Variants in CEP120 observed in about 807,000 individuals in gnomAD.
The protein encoded by CEP120 is centrosomal protein of 120 kDa.
CEP120 carries 113 observed loss-of-function variants against 126.5 expected under a neutral mutation model. The observed-to-expected ratio is 0.89, with a 90% CI of 0.77 to 1.04. CEP120 has a LOEUF of 1.04. Among genes scored for constraint, CEP120 ranks in the 50% least tolerant of loss-of-function variants. The pLI, the probability that CEP120 is intolerant of heterozygous loss-of-function variation, is 0.00. For missense variants in CEP120, 1,230 were observed against 1,155.7 expected (o/e 1.06, Z -0.93); for synonymous variants, 400 against 394.3 (o/e 1.01, Z -0.17).
chr5:123,356,596 C>G (rs1240377041), intron 18 of CEP120, among the ~76,000 whole-genome samples: 3 of 141,866 alleles, frequency 2.1e-5, no homozygotes, highest in Non-Finnish European at 4.7e-5. Flanking sequence ...CTTCTTCTCT[C>G]TCCTTTTAAT....
chr5:123,389,480 T>G (rs1036471627), intron 8 of CEP120, among the ~76,000 whole-genome samples: 3 of 152,128 alleles, frequency 2.0e-5, no homozygotes, highest in African/African-American at 7.2e-5. Flanking sequence ...ATTGAAATTT[T>G]TTATATTTCC....
At position 123,377,406 on chromosome 5, in the gene CEP120, G is replaced by A. The variant is rs1408055072; in HGVS notation, c.2326C>T (p.Leu776Phe). 2 of 1,610,938 alleles carry A rather than the reference G, an allele frequency of 1.2e-6. No individual in the cohort carries two copies. Among genetic ancestry groups the A allele is most frequent in the Admixed American group, 1.7e-5 (1 of 59,050 alleles). Reference protein sequence around the residue: ...VELERLKIKQLEEDKHRLQQQ... With the variant: ...VELERLKIKQFEEDKHRLQQQ... ...TGAAGGCGGTGTTTATCCTCTTCGA[G>A]CTGTTTGATTTTTAACCTTTCTAGT... Residue 776 changes from leucine to phenylalanine, a missense_variant, in exon 16 of 20, where the codon CTC (leucine) becomes TTC (phenylalanine). Transcript: ENST00000306467.
chr5:123,370,681 G>GTA (rs1198252769), intron 17 of CEP120, among the ~76,000 whole-genome samples: 1 of 95,386 alleles, frequency 1.0e-5, no homozygotes, highest in Non-Finnish European at 2.3e-5. Flanking sequence ...ATGTGTGTGT[G>GTA]TGTGTATATA....
Position 123,372,738 on chromosome 5 carries a change from T to C in CEP120, c.2393A>G (p.Glu798Gly). The C allele has an allele frequency of 6.2e-7, 1 of 1,607,066 alleles. No homozygotes were observed. Among genetic ancestry groups the C allele is most frequent in the East Asian group, 2.2e-5 (1 of 44,600 alleles). ...NDAENKYKIL[E>G]KEFQQFKDQQ... ...GTCCTTGAACTGTTGGAACTCTTTT[T>C]CCAAAATCTTATACTTATTTTCAGC... Residue 798 changes from glutamate (E) to glycine (G), a missense_variant, in exon 17 of 20, where the codon GAA becomes GGA. Coordinates refer to ENST00000306467, the MANE Select transcript of CEP120 (RefSeq NM_001375405.1).
At chr5:123,380,621 G>C (rs1438166617) in intron 14 of CEP120, among the ~76,000 whole-genome samples, 1 of 152,070 alleles carries the variant, frequency 6.6e-6, no homozygotes, top group Non-Finnish European at 1.5e-5. Context: ...AAGTGAATTT[G>C]TCACGGTTCT....
intron 1 of CEP120, among the ~76,000 whole-genome samples, chr5:123,420,234 T>G (rs1483038703): frequency 6.6e-6 from 1 of 152,176 alleles, no homozygotes; most frequent in Admixed American, 6.5e-5. Context: ...GAACCTATAT[T>G]TTCCATATTA....
chr5:123,399,249 T>C lies in CEP120; in HGVS notation c.499A>G (p.Ile167Val), dbSNP rs200059033. The C allele has an allele frequency of 3.2e-5, 51 of 1,614,166 alleles. 1 individual carries two copies. The Admixed American group carries it at 5.2e-4, about 16-fold the overall frequency. Residue 167 changes from isoleucine (I) to valine (V), a missense_variant, in exon 5 of 20, where the codon ATT (isoleucine) becomes GTT (valine). Ile to Val is a conservative substitution (Grantham distance 29). Transcript: ENST00000306467. ...CCCTCTTCATTCAGCACAGCCACAA[T>C]GTCCCTGGGGTCAAGTCCAGCCAGG... ...AILAGLDPRD[I>V]VAVLNEEGGY... is the part of the protein sequence containing the mutation.
chr5:123,399,046 A>C, intron 5 of CEP120, 90 bp downstream of exon 5: 29 of 917,830 alleles, frequency 3.2e-5, no homozygotes, highest in Non-Finnish European at 4.1e-5. Flanking sequence ...AAAAAAGTCT[A>C]CTTGCAAGTC....
intron 1 of CEP120, 103 bp downstream of exon 1, chr5:123,422,847 G>A (rs1774807753): frequency 1.8e-6 from 2 of 1,093,178 alleles, no homozygotes; most frequent in Non-Finnish European, 2.8e-6. Context: ...GACCACAAAA[G>A]CACAGATGAC....
chr5:123,375,163 C>T (rs1771123869), intron 16 of CEP120, among the ~76,000 whole-genome samples: 1 of 152,078 alleles, frequency 6.6e-6, no homozygotes, highest in African/African-American at 2.4e-5. Context: ...GGAAACTTCT[C>T]CTGTCCTTCC....
chr5:123,363,554 T>G (rs1389120076), intron 18 of CEP120, among the ~76,000 whole-genome samples: 2 of 151,582 alleles, frequency 1.3e-5, no homozygotes. Flanking sequence ...TGGTACATTA[T>G]TTTATATTTA....
intron 18 of CEP120, among the ~76,000 whole-genome samples, chr5:123,355,052 T>G (rs1377008930): frequency 6.6e-6 from 1 of 152,030 alleles, no homozygotes; most frequent in African/African-American, 2.4e-5. Context: ...TTTTTGTCCT[T>G]GCAATAGTTT....
intron 16 of CEP120, among the ~76,000 whole-genome samples, chr5:123,376,036 G>A (rs1771194817): frequency 6.7e-6 from 1 of 149,352 alleles, no homozygotes; most frequent in Admixed American, 6.7e-5. Flanking sequence ...CCTATTATGT[G>A]CTGACAACTG....
rs2127055694 is a variant in CEP120, at chr5:123,384,938, T to G, written c.1763+13A>C. 6.4e-7 allele frequency: 1 copy of G among 1,574,316 alleles called. No homozygotes were observed. On this transcript the variant is annotated intron_variant, in intron 11 of 19. Transcript: ENST00000306467. The stretch of plus-strand genomic sequence containing the variant: ...AAAAGAAAAGCAAATACCAATTCTG[T>G]GAAATGCATTACCCTTGTGCTGCTA...
intron 5 of CEP120, among the ~76,000 whole-genome samples, chr5:123,393,840 T>A (rs1022085863): frequency 1.3e-5 from 2 of 152,242 alleles, no homozygotes; most frequent in African/African-American, 4.8e-5. Flanking sequence ...CATATTTTAT[T>A]TCATCTCATA....
intron 1 of CEP120, 82 bp from the exon 2 acceptor site, chr5:123,418,597 T>C: frequency 8.7e-7 from 1 of 1,152,910 alleles, no homozygotes; most frequent in Non-Finnish European, 1.2e-6. Context: ...TTTGTTTGGC[T>C]GGTTTTTTTT....
rs192707346 is a variant in CEP120 at position 123,415,864 on chromosome 5, T to A, written c.321+146A>T. The stretch of plus-strand genomic sequence containing the variant: ...TCCAGCCTGGATAACAGAGACTCCG[T>A]CTCAAAAAAAAAAAGAACTGCCATA... On this transcript the variant is annotated intron_variant, in intron 3 of 19. Transcript: ENST00000306467. 289 of 533,070 alleles carry A rather than the reference T, an allele frequency of 5.4e-4. 2 individuals are homozygous for A. The highest frequency in any genetic ancestry group is 5.4e-3 in the African/African-American group (276 of 51,556). 33.0% of individuals were successfully genotyped at this position (533,070 alleles called of 1,614,324 possible). A position where few individuals can be genotyped will look rare whatever the true frequency, so the allele number is the denominator to read the frequency against.
intron 18 of CEP120, among the ~76,000 whole-genome samples, chr5:123,355,451 T>C (rs1470977328): frequency 8.5e-5 from 13 of 152,136 alleles, no homozygotes; most frequent in Non-Finnish European, 1.6e-4. Context: ...GCACTTGTTG[T>C]TTCCTGACTT....
chr5:123,350,538 G>A (rs566100247), intron 18 of CEP120, among the ~76,000 whole-genome samples: 6 of 152,332 alleles, frequency 3.9e-5, no homozygotes, highest in Middle Eastern at 3.4e-3. Flanking sequence ...GCAAGAAAGA[G>A]GGTGCTATCA....
Sources: gnomAD v4.1 joint callset for allele counts (sites outside exome capture counted in the v4.1 genomes callset) on GRCh38, gnomAD v4.1.1 for gene constraint, MANE v1.5 for transcripts, NCBI Gene and HGNC (gene_info 2026-07-23, HGNC 2026-07-21) for gene names.